The following LHFPL2 variants were observed in gnomAD, a reference collection of about 807,000 sequenced individuals.
LHFPL2 encodes the protein LHFPL tetraspan subfamily member 2 protein.
In LHFPL2, 7 loss-of-function variants were observed where a neutral mutation model predicts 17.5. The ratio of observed to expected loss-of-function variants is 0.40; its 90% confidence interval spans 0.23 to 0.75. LHFPL2 has a LOEUF of 0.75. LHFPL2 is among the 30% of genes least tolerant of loss of function. The probability of loss-of-function intolerance (pLI) is 0.37; values close to 1 mark genes in which losing one functional copy is unlikely to be tolerated. For synonymous variants in LHFPL2, 134 were observed against 116.2 expected, an observed-to-expected ratio of 1.15 and a Z score of -0.99; for missense variants, 241 against 294.8, an observed-to-expected ratio of 0.82 and a Z score of 1.34.
intron 2 of LHFPL2, among the ~76,000 whole-genome samples, chr5:78,580,373 G>A (rs1023163295): frequency 3.3e-5 from 5 of 152,050 alleles, no homozygotes; most frequent in African/African-American, 1.2e-4. Flanking sequence ...GTCAATTCTG[G>A]CTTTTGTTGC....
At chr5:78,492,375 C>T (rs1754474547) in intron 4 of LHFPL2, among the ~76,000 whole-genome samples, 1 of 152,218 alleles carries the variant, frequency 6.6e-6, no homozygotes, top group Non-Finnish European at 1.5e-5. Flanking sequence ...AGTTTGCTGT[C>T]ACATACCAGC....
chr5:78,626,998 T>C (rs1387103162), intron 2 of LHFPL2, among the ~76,000 whole-genome samples: 1 of 152,048 alleles, frequency 6.6e-6, no homozygotes, highest in Admixed American at 6.5e-5. Context: ...GGAGAACTGC[T>C]TGAACCCGGG....
intron 1 of LHFPL2, among the ~76,000 whole-genome samples, chr5:78,636,894 T>A (rs1745465343): frequency 6.6e-6 from 1 of 151,788 alleles, no homozygotes; most frequent in African/African-American, 2.4e-5. Flanking sequence ...TGTATTAAGA[T>A]AAAAAGTGAA....
intron 4 of LHFPL2, among the ~76,000 whole-genome samples, chr5:78,491,936 C>T (rs1174951944): frequency 6.6e-6 from 1 of 152,170 alleles, no homozygotes; most frequent in Non-Finnish European, 1.5e-5. Context: ...AAAATATTCT[C>T]CATCTGAACA....
chr5:78,577,697 A>G (rs567798901), intron 2 of LHFPL2, among the ~76,000 whole-genome samples: 54 of 152,182 alleles, frequency 3.5e-4, no homozygotes, highest in Non-Finnish European at 7.1e-4. Context: ...AGTAGCTTAC[A>G]TACAATGAAG....
At position 78,611,561 on chromosome 5, in the gene LHFPL2, T is replaced by A. The variant is rs1242423284; in HGVS notation, c.-245+20703A>T. 3.3e-5 allele frequency among the ~76,000 whole-genome samples: 5 copies of A among 152,096 alleles called. No homozygotes were observed. The South Asian group carries it at 1.0e-3, about 32-fold the overall frequency. ...TCCGGAGAAGCCTGAGGGCTGAGGA[T>A]CAGAAAGGCTTCAGGGCTGGGGCAG... On this transcript the variant is annotated intron_variant, in intron 2 of 4. Transcript: ENST00000380345.
intron 2 of LHFPL2, among the ~76,000 whole-genome samples, chr5:78,601,500 T>TC (rs1465973856): frequency 6.6e-6 from 1 of 152,134 alleles, no homozygotes; most frequent in Non-Finnish European, 1.5e-5. Flanking sequence ...TTAGGCAGCC[T>TC]CCCCCAAAAG....
chr5:78,492,994 T>C (rs536630773), intron 4 of LHFPL2, among the ~76,000 whole-genome samples: 7 of 152,278 alleles, frequency 4.6e-5, no homozygotes, highest in African/African-American at 1.2e-4. Flanking sequence ...GCCGAGGCCA[T>C]GGAATAGGGT....
intron 2 of LHFPL2, among the ~76,000 whole-genome samples, chr5:78,566,388 T>C (rs578190638): frequency 7.2e-4 from 109 of 152,370 alleles, no homozygotes; most frequent in African/African-American, 2.3e-3. Flanking sequence ...ACAACAGTCA[T>C]TGGGTTTCAC....
chr5:78,495,714 G>A (rs1286515399), intron 4 of LHFPL2, among the ~76,000 whole-genome samples: 2 of 152,138 alleles, frequency 1.3e-5, no homozygotes, highest in Non-Finnish European at 1.5e-5. Context: ...TCTGGAGAGA[G>A]TTCACAGCAG....
intron 2 of LHFPL2, among the ~76,000 whole-genome samples, chr5:78,579,327 T>C (rs1368638854): frequency 1.3e-5 from 2 of 152,054 alleles, no homozygotes; most frequent in Non-Finnish European, 2.9e-5. Context: ...TTTTTGTTGT[T>C]GTTGTTGTTT....
rs1387544916 is a variant in LHFPL2 at position 78,488,714 on chromosome 5, C to T, written c.*183G>A. ...GTTCCATTCCTTATAATGTGCACTG[C>T]AGACCGCATGTCCAGTAACTTTGCG... On this transcript the variant is annotated 3_prime_UTR_variant, in exon 5 of 5. Coordinates refer to ENST00000380345, the MANE Select transcript of LHFPL2 (RefSeq NM_005779.3). The T allele has an allele frequency of 4.6e-6, 3 of 645,268 alleles. No individual in the cohort carries two copies. Among genetic ancestry groups the T allele is most frequent in the Admixed American group, 2.7e-5 (1 of 36,420 alleles). The allele number at this position is 645,268 out of a possible 1,614,324, so 40.0% of individuals were successfully genotyped here.
intron 1 of LHFPL2, among the ~76,000 whole-genome samples, chr5:78,640,561 T>C (rs1745628886): frequency 6.6e-6 from 1 of 152,202 alleles, no homozygotes; most frequent in South Asian, 2.1e-4. Flanking sequence ...AAACCACTGA[T>C]CCAGTTTTGT....
intron 3 of LHFPL2, among the ~76,000 whole-genome samples, chr5:78,511,414 G>A (rs1755120909): frequency 1.3e-5 from 2 of 152,238 alleles, no homozygotes; most frequent in Admixed American, 1.3e-4. Context: ...CTTCTTCAGA[G>A]GAGTCTGGAC....
chr5:78,581,753 T>C (rs1384443948), intron 2 of LHFPL2, among the ~76,000 whole-genome samples: 1 of 152,218 alleles, frequency 6.6e-6, no homozygotes, highest in Non-Finnish European at 1.5e-5. Context: ...AAAATTCTCT[T>C]TTTTGGTTGT....
chr5:78,570,926 A>T (rs903310354), intron 2 of LHFPL2, among the ~76,000 whole-genome samples: 1 of 152,120 alleles, frequency 6.6e-6, no homozygotes, highest in Non-Finnish European at 1.5e-5. Context: ...TTCCAAATCT[A>T]GGCATAAGCT....
chr5:78,545,249 T>A (rs1756235110), intron 3 of LHFPL2, among the ~76,000 whole-genome samples: 1 of 152,170 alleles, frequency 6.6e-6, no homozygotes, highest in African/African-American at 2.4e-5. Flanking sequence ...ATGTCCCCCT[T>A]ACCCAACACA....
intron 1 of LHFPL2, among the ~76,000 whole-genome samples, chr5:78,641,006 C>G (rs149610908): frequency 1.3e-5 from 2 of 152,158 alleles, no homozygotes; most frequent in African/African-American, 4.8e-5. Context: ...GACATGAAAA[C>G]AAGAGTTAGT....
At chr5:78,529,561 G>A (rs995778980) in intron 3 of LHFPL2, among the ~76,000 whole-genome samples, 5 of 152,292 alleles carry the variant, frequency 3.3e-5, no homozygotes, top group South Asian at 2.1e-4. Flanking sequence ...TGTAGCATAC[G>A]GGAAGCGGAG....
Sources: allele counts gnomAD v4.1 joint callset (sites outside exome capture counted in the v4.1 genomes callset), GRCh38; gene constraint gnomAD v4.1.1; transcripts MANE v1.5; gene names NCBI Gene and HGNC (gene_info 2026-07-23, HGNC 2026-07-21).